The following GALNTL6 variants were observed in gnomAD, a reference collection of about 807,000 sequenced individuals.
GALNTL6 encodes polypeptide N-acetylgalactosaminyltransferase like 6, also known as polypeptide N-acetylgalactosaminyltransferase-like 6.
In GALNTL6, 46 loss-of-function variants were observed where a neutral mutation model predicts 73.7. The ratio of observed to expected loss-of-function variants is 0.62; its 90% CI spans 0.49 to 0.80. The LOEUF is 0.80. Ranked by LOEUF, GALNTL6 falls within the 30% of genes least tolerant of loss-of-function variation. The probability of loss-of-function intolerance (pLI) is 0.00; values close to 1 mark genes in which losing one functional copy is unlikely to be tolerated. For missense variants in GALNTL6, 604 were observed against 755.0 expected, an observed-to-expected ratio of 0.80 and a Z score of 2.34; for synonymous variants, 259 against 263.7, an observed-to-expected ratio of 0.98 and a Z score of 0.17.
At chr4:172,162,125 A>C (rs902247220) in intron 2 of GALNTL6, among the ~76,000 whole-genome samples, 22 of 151,978 alleles carry the variant, frequency 1.4e-4, no homozygotes, top group Non-Finnish European at 2.7e-4. Context: ...TTTTAAAATA[A>C]AACTTTGTAG....
chr4:172,131,088 CA>C (rs1163234199), intron 2 of GALNTL6, among the ~76,000 whole-genome samples: 1 of 151,862 alleles, frequency 6.6e-6, no homozygotes, highest in African/African-American at 2.4e-5. Flanking sequence ...ACTAGAAAAA[CA>C]AACATATTTT....
intron 2 of GALNTL6, among the ~76,000 whole-genome samples, chr4:171,836,459 G>T (rs1735097687): frequency 6.6e-6 from 1 of 151,946 alleles, no homozygotes. Context: ...AGAATAGAAT[G>T]ATAATATTTC....
chr4:172,655,021 C>T lies in GALNTL6; in HGVS notation c.554-154340C>T, dbSNP rs374729460. Among the ~76,000 whole-genome samples the T allele has an allele frequency of 8.5e-5, 13 of 152,228 alleles. No individual in the cohort carries two copies. In the East Asian group the frequency reaches 9.7e-4, roughly 11 times the overall value. The stretch of plus-strand genomic sequence containing the variant: ...GCTAGTAAGGGGCAGAGCTTGAATT[C>T]AAGCAGTCTAAATTTAAGAGCACAG... On this transcript the variant is annotated intron_variant, in intron 5 of 12. Transcript: ENST00000506823.
chr4:172,488,799 G>C (rs549523113), intron 5 of GALNTL6, among the ~76,000 whole-genome samples: 4 of 143,230 alleles, frequency 2.8e-5, no homozygotes, highest in Non-Finnish European at 4.6e-5. Context: ...TAAGCACTCC[G>C]TAGCTGAGAT....
intron 5 of GALNTL6, among the ~76,000 whole-genome samples, chr4:172,527,466 C>G (rs1343034856): frequency 6.6e-6 from 1 of 152,176 alleles, no homozygotes; most frequent in Non-Finnish European, 1.5e-5. Flanking sequence ...CAGGAGAAGA[C>G]TGTAGATGCT....
chr4:172,592,053 G>T (rs1456605474), intron 5 of GALNTL6, among the ~76,000 whole-genome samples: 1 of 152,144 alleles, frequency 6.6e-6, no homozygotes, highest in Non-Finnish European at 1.5e-5. Context: ...TCCATTTTGT[G>T]TTGCTTTAAA....
intron 2 of GALNTL6, among the ~76,000 whole-genome samples, chr4:171,883,706 GGCGCTATCTCAGCTCACT>G (rs1736525478): frequency 6.6e-6 from 1 of 150,890 alleles, no homozygotes; most frequent in Non-Finnish European, 1.5e-5. Flanking sequence ...GGACTGCAGT[GGCGCTATCTCAGCTCACT>G]GCAAGCTCCG....
intron 5 of GALNTL6, among the ~76,000 whole-genome samples, chr4:172,636,402 A>G (rs533653348): frequency 1.3e-5 from 2 of 152,338 alleles, no homozygotes; most frequent in East Asian, 3.9e-4. Flanking sequence ...CTTACATGGC[A>G]AAAGGGACTT....
At chr4:172,327,903 T>C (rs1450903909) in intron 4 of GALNTL6, among the ~76,000 whole-genome samples, 1 of 152,150 alleles carries the variant, frequency 6.6e-6, no homozygotes, top group African/African-American at 2.4e-5. Context: ...TTAATATTGA[T>C]ATGTGTCGAT....
intron 5 of GALNTL6, among the ~76,000 whole-genome samples, chr4:172,420,022 A>T (rs1730996712): frequency 2.0e-5 from 3 of 152,226 alleles, no homozygotes; most frequent in Non-Finnish European, 2.9e-5. Flanking sequence ...TATGTCCTTG[A>T]TTAAAGACTA....
intron 5 of GALNTL6, among the ~76,000 whole-genome samples, chr4:172,687,590 T>C (rs545853548): frequency 1.2e-3 from 178 of 143,246 alleles, no homozygotes; most frequent in Non-Finnish European, 2.3e-3. Flanking sequence ...ATCGCGCCAC[T>C]GCACTCCAGC....
intron 5 of GALNTL6, among the ~76,000 whole-genome samples, chr4:172,439,311 C>CATTATTAATTATTAATTA (rs1285808542): frequency 2.0e-5 from 3 of 152,024 alleles, no homozygotes; most frequent in South Asian, 4.2e-4. Context: ...TGACCCCCCA[C>CATTATTAATTATTAATTA]ATTATTAAAC....
chr4:172,834,987 G>C lies in GALNTL6; in HGVS notation c.923+21264G>C, dbSNP rs78811035. 6.6e-3 allele frequency among the ~76,000 whole-genome samples: 1,004 copies of C among 152,318 alleles called. 11 individuals carry two copies. Among genetic ancestry groups the C allele is most frequent in the Non-Finnish European group, 7.3e-3 (494 of 68,018 alleles). On this transcript the variant is annotated intron_variant, in intron 7 of 12. Coordinates refer to ENST00000506823, the MANE Select transcript of GALNTL6 (RefSeq NM_001034845.3). ...TTCTGTAATGCCTGAAGAAGACACTGTTCTCCTTTGAATTCATCTATACCT... is the reference window on the plus strand; with the variant it reads ...TTCTGTAATGCCTGAAGAAGACACTCTTCTCCTTTGAATTCATCTATACCT...
intron 3 of GALNTL6, among the ~76,000 whole-genome samples, chr4:172,263,429 GT>G (rs919182231): frequency 9.2e-5 from 14 of 151,406 alleles, no homozygotes; most frequent in African/African-American, 3.4e-4. Flanking sequence ...TTCCAGTGCA[GT>G]TTGCATTTTT....
intron 5 of GALNTL6, among the ~76,000 whole-genome samples, chr4:172,365,233 G>A (rs1420885236): frequency 6.6e-6 from 1 of 152,102 alleles, no homozygotes; most frequent in Non-Finnish European, 1.5e-5. Context: ...GGGTTAGAAT[G>A]TCTGTGGTCA....
intron 5 of GALNTL6, among the ~76,000 whole-genome samples, chr4:172,520,405 A>G (rs1037222853): frequency 6.6e-6 from 1 of 152,012 alleles, no homozygotes; most frequent in Non-Finnish European, 1.5e-5. Context: ...CCACATACCA[A>G]TAAACTTTGC....
At chr4:172,861,938 A>T (rs1006041455) in intron 7 of GALNTL6, among the ~76,000 whole-genome samples, 1 of 152,224 alleles carries the variant, frequency 6.6e-6, no homozygotes, top group African/African-American at 2.4e-5. Context: ...GTGTGAGAAC[A>T]GACTAATATA....
intron 5 of GALNTL6, among the ~76,000 whole-genome samples, chr4:172,706,231 T>C (rs1314888521): frequency 6.6e-6 from 1 of 152,006 alleles, no homozygotes; most frequent in East Asian, 1.9e-4. Flanking sequence ...CTTGATTCAG[T>C]CTGCTGTTGA....
intron 10 of GALNTL6, among the ~76,000 whole-genome samples, chr4:172,992,849 G>A (rs536473230): frequency 1.3e-5 from 2 of 152,130 alleles, no homozygotes; most frequent in South Asian, 2.1e-4. Flanking sequence ...TCATCGGATC[G>A]CTAAGCAAGC....
Sources: allele counts gnomAD v4.1 joint callset (sites outside exome capture counted in the v4.1 genomes callset), GRCh38; gene constraint gnomAD v4.1.1; transcripts MANE v1.5; gene names NCBI Gene and HGNC (gene_info 2026-07-23, HGNC 2026-07-21).